The following HUWE1 variants were observed in gnomAD, a reference collection of about 807,000 sequenced individuals.
The protein encoded by HUWE1 is HECT, UBA and WWE domain containing E3 ubiquitin protein ligase 1, also known as E3 ubiquitin-protein ligase HUWE1.
HUWE1 carries 18 observed loss-of-function variants against 299.4 expected under a neutral mutation model. The ratio of observed to expected loss-of-function variants is 0.06; its 90% CI spans 0.04 to 0.09. HUWE1 has a LOEUF of 0.09. Among genes scored for constraint, HUWE1 ranks in the 10% least tolerant of loss-of-function variants. The pLI, the probability that HUWE1 is intolerant of heterozygous loss-of-function variation, is 1.00. For synonymous variants in HUWE1, 1,317 were observed against 1,286.1 expected (o/e 1.02, Z -0.51); for missense variants, 1,832 against 3,462.3 (o/e 0.53, Z 11.82).
chrX:53,623,718 C>G (rs1385949152), intron 19 of HUWE1, among the ~76,000 whole-genome samples: 1 of 111,737 alleles, frequency 8.9e-6, no homozygotes, highest in Non-Finnish European at 1.9e-5. Context: ...GTAGAATATT[C>G]TAAGAAAACA....
intron 25 of HUWE1, among the ~76,000 whole-genome samples, chrX:53,606,249 C>A (rs1193669151): frequency 1.8e-5 from 2 of 111,908 alleles, no homozygotes; most frequent in African/African-American, 3.2e-5. Context: ...TACAAGAATA[C>A]ACAACTCTTA....
Position 53,537,159 on chromosome X carries a change from C to G in HUWE1, c.12137+397G>C, listed in dbSNP as rs3761633. ...AATAGGTCTTTCATCTCATCAGCTC[C>G]TACGCTCAGTATTACAAACTGCTGA... is the stretch of plus-strand genomic sequence containing the variant. On this transcript the variant is annotated intron_variant, in intron 78 of 83. Coordinates refer to ENST00000262854, the MANE Select transcript of HUWE1 (RefSeq NM_031407.7). 1.0e-4 allele frequency: 25 copies of G among 244,819 alleles called. No individual in the cohort carries two copies. In the East Asian group the frequency reaches 2.3e-3, roughly 22 times the overall value. 20.2% of individuals were successfully genotyped at this position (244,819 alleles called of 1,213,427 possible). A position where few individuals can be genotyped will look rare whatever the true frequency, so the allele number is the denominator to read the frequency against.
intron 43 of HUWE1, among the ~76,000 whole-genome samples, chrX:53,578,217 C>G (rs2063288869): frequency 9.3e-6 from 1 of 107,637 alleles, no homozygotes; most frequent in African/African-American, 3.4e-5. Flanking sequence ...GGCCGCAACC[C>G]TGTCTGGGAG....
chrX:53,596,944 C>CA (rs2064515975), intron 29 of HUWE1, among the ~76,000 whole-genome samples: 2 of 112,504 alleles, frequency 1.8e-5, no homozygotes, highest in African/African-American at 6.5e-5. Context: ...GCTGCAGCTA[C>CA]ACCAGCAGGC....
chrX:53,532,125 A>G lies in HUWE1; in HGVS notation c.*1184T>C, dbSNP rs192281033. ...GGTTATTTTTTCTAACTAAATTTTT[A>G]TTAAATTATTTTTTCTTTGAAGGCT... On this transcript the variant is annotated 3_prime_UTR_variant, in exon 84 of 84. Coordinates refer to ENST00000262854, the MANE Select transcript of HUWE1 (RefSeq NM_031407.7). 1.8e-5 allele frequency: 2 copies of G among 111,568 alleles called. No homozygotes were observed. The highest frequency in any genetic ancestry group is 2.8e-4 in the East Asian group (1 of 3,554). The allele number at this position is 111,568 out of a possible 1,213,427, so 9.2% of individuals were successfully genotyped here.
intron 65 of HUWE1, 32 bp from the exon 66 acceptor site, chrX:53,550,800 T>C (rs781933651): frequency 1.7e-6 from 2 of 1,196,874 alleles, no homozygotes; most frequent in Admixed American, 2.2e-5. Flanking sequence ...ACTGAGATTG[T>C]GGAGAGGGTG....
chrX:53,599,422 T>G (rs1569482139), intron 29 of HUWE1, among the ~76,000 whole-genome samples: 1 of 111,812 alleles, frequency 8.9e-6, no homozygotes, highest in East Asian at 2.8e-4. Flanking sequence ...TCCATTTTCC[T>G]CTATATTAAG....
chrX:53,627,605 A>C, intron 16 of HUWE1, 90 bp from the exon 17 acceptor site: 1 of 764,294 alleles, frequency 1.3e-6, no homozygotes, highest in Non-Finnish European at 1.9e-6. Context: ...ATGGAAAAAC[A>C]CTGCAAGCAG....
At chrX:53,602,722 T>TACA in intron 27 of HUWE1, 64 bp from the exon 28 acceptor site, 1 of 605,833 alleles carries the variant, frequency 1.7e-6, no homozygotes, top group Non-Finnish European at 2.6e-6. Context: ...ATTCACCTCT[T>TACA]ATATTGTAAA....
At chrX:53,598,846 C>T (rs1323194312) in intron 29 of HUWE1, among the ~76,000 whole-genome samples, 2 of 112,083 alleles carry the variant, frequency 1.8e-5, no homozygotes, top group African/African-American at 3.2e-5. Flanking sequence ...ATAGGCTCTA[C>T]TTGAGCCTAG....
intron 70 of HUWE1, 132 bp from the exon 71 acceptor site, chrX:53,545,293 A>T: frequency 1.5e-6 from 1 of 648,013 alleles, no homozygotes; most frequent in Non-Finnish European, 2.4e-6. Context: ...GTGAGCTGGA[A>T]TCGTGCTCTG....
intron 19 of HUWE1, among the ~76,000 whole-genome samples, chrX:53,624,131 T>C (rs782382401): frequency 2.7e-5 from 3 of 111,748 alleles, no homozygotes; most frequent in Admixed American, 1.9e-4. Flanking sequence ...TTGCAGGATT[T>C]TACTATTGAC....
chrX:53,534,838 C>T (rs782406943), intron 81 of HUWE1, 141 bp from the exon 82 acceptor site: 1 of 507,165 alleles, frequency 2.0e-6, no homozygotes, highest in Non-Finnish European at 3.3e-6. Context: ...TCTGCCCAGG[C>T]TAGTCTCAAC....
chrX:53,629,713 T>C, intron 12 of HUWE1, 97 bp from the exon 13 acceptor site: 2 of 531,202 alleles, frequency 3.8e-6, no homozygotes, highest in Non-Finnish European at 6.6e-6. Context: ...TGGGGAAGAA[T>C]TCCATTCCCA....
rs2147586269 is a variant in HUWE1, at chrX:53,559,384, G to T, written c.7885C>A (p.His2629Asn). 8.3e-7 allele frequency: 1 copy of T among 1,211,494 alleles called. No individual in the cohort carries two copies. Among genetic ancestry groups the T allele is most frequent in the Non-Finnish European group, 1.1e-6 (1 of 895,263 alleles). ...SDDELLDDFF[H>N]DQSTATSQAG... ...TGGCTGGTAGCTGTGCTCTGATCATGGAAAAAGTCATCCAGCAGCTCATCA... is the reference window on the plus strand; with the variant it reads ...TGGCTGGTAGCTGTGCTCTGATCATTGAAAAAGTCATCCAGCAGCTCATCA... The change falls in exon 57 of 84, where the codon CAT (histidine) becomes AAT (asparagine). Residue 2629 changes from histidine (H) to asparagine (N), a missense_variant. Coordinates refer to ENST00000262854, the MANE Select transcript of HUWE1 (RefSeq NM_031407.7).
At chrX:53,542,660 G>T (rs2061391783) in intron 73 of HUWE1, 121 bp from the exon 74 acceptor site, 1 of 535,518 alleles carries the variant, frequency 1.9e-6, no homozygotes, top group Non-Finnish European at 3.3e-6. Flanking sequence ...CCCATATTTG[G>T]GTGGGGAAAA....
chrX:53,590,701 A>G (rs1556977977), intron 34 of HUWE1, among the ~76,000 whole-genome samples: 1 of 112,354 alleles, frequency 8.9e-6, no homozygotes, highest in African/African-American at 3.2e-5. Flanking sequence ...GGAAAATCAC[A>G]CGTAAAACTA....
At chrX:53,558,265 G>A (rs1556937026) in intron 59 of HUWE1, among the ~76,000 whole-genome samples, 1 of 111,703 alleles carries the variant, frequency 9.0e-6, no homozygotes, top group Non-Finnish European at 1.9e-5. Context: ...TCAAATGACG[G>A]AATGGGGTCA....
intron 80 of HUWE1, 153 bp downstream of exon 80, chrX:53,535,994 T>A (rs1397016007): frequency 2.2e-6 from 1 of 459,301 alleles, no homozygotes; most frequent in Admixed American, 3.1e-5. Flanking sequence ...TTCCTGTTTG[T>A]GATGTCACTC....
Sources: allele counts gnomAD v4.1 joint callset (sites outside exome capture counted in the v4.1 genomes callset), GRCh38; gene constraint gnomAD v4.1.1; transcripts MANE v1.5; gene names NCBI Gene and HGNC (gene_info 2026-07-23, HGNC 2026-07-21).